NPLOC4: variants seen among roughly 807,000 people sequenced by gnomAD.
The protein encoded by NPLOC4 is nuclear protein localization protein 4 homolog.
NPLOC4 carries 18 observed loss-of-function variants against 80.6 expected under a neutral mutation model. The observed-to-expected ratio is 0.22, with a 90% CI of 0.15 to 0.33. The LOEUF is 0.33. Among genes scored for constraint, NPLOC4 ranks in the 10% least tolerant of loss-of-function variants. NPLOC4 has a pLI of 1.00. For synonymous variants in NPLOC4, 313 were observed against 301.5 expected (o/e 1.04, Z -0.39); for missense variants, 540 against 786.1 (o/e 0.69, Z 3.74).
At position 81,637,047 on chromosome 17, in the gene NPLOC4, A is replaced by ACCG; in HGVS notation, c.-120_-118dup. On this transcript the variant is annotated 5_prime_UTR_variant, in exon 1 of 17. Transcript: ENST00000331134. ...GCCCCGGCCTCCCTACGCCGCCGCCACCGCCGCTCCAGCTTCGCCCGCCCG... is the reference window on the plus strand; with the variant it reads ...GCCCCGGCCTCCCTACGCCGCCGCCACCGCCGCCGCTCCAGCTTCGCCCGCCCG... The ACCG allele has an allele frequency of 5.5e-6, 3 of 544,316 alleles. No individual in the cohort carries two copies. Among genetic ancestry groups the ACCG allele is most frequent in the Non-Finnish European group, 7.9e-6 (3 of 379,284 alleles). 33.7% of individuals were successfully genotyped at this position (544,316 alleles called of 1,614,324 possible). A position where few individuals can be genotyped will look rare whatever the true frequency, so the allele number is the denominator to read the frequency against.
intron 3 of NPLOC4, among the ~76,000 whole-genome samples, chr17:81,621,382 T>C (rs2035663562): frequency 1.3e-5 from 2 of 152,210 alleles, no homozygotes; most frequent in Non-Finnish European, 1.5e-5. Flanking sequence ...AGCCCATCAT[T>C]CTGGCTGGTA....
intron 3 of NPLOC4, among the ~76,000 whole-genome samples, chr17:81,617,354 T>C (rs979766397): frequency 6.6e-6 from 1 of 152,020 alleles, no homozygotes; most frequent in Non-Finnish European, 1.5e-5. Context: ...TTCACAACAG[T>C]GTGGACAAAG....
At chr17:81,622,409 T>C (rs957447256) in intron 2 of NPLOC4, 131 bp from the exon 3 acceptor site, 1 of 701,086 alleles carries the variant, frequency 1.4e-6, no homozygotes. Flanking sequence ...CAAATTCCTC[T>C]TGCTATTTTG....
At chr17:81,589,914 T>A (rs1380372047) in intron 11 of NPLOC4, among the ~76,000 whole-genome samples, 1 of 151,560 alleles carries the variant, frequency 6.6e-6, no homozygotes, top group Non-Finnish European at 1.5e-5. Context: ...AGGCTTAGTG[T>A]CATCAGCACT....
At chr17:81,633,310 T>G (rs1286113075) in intron 1 of NPLOC4, among the ~76,000 whole-genome samples, 1 of 152,054 alleles carries the variant, frequency 6.6e-6, no homozygotes, top group African/African-American at 2.4e-5. Flanking sequence ...AGGAAAGCTC[T>G]GTTCTAATGA....
intron 9 of NPLOC4, among the ~76,000 whole-genome samples, chr17:81,597,838 G>C (rs1015063451): frequency 6.6e-6 from 1 of 151,186 alleles, no homozygotes; most frequent in African/African-American, 2.4e-5. Context: ...GCTCACGCCT[G>C]TAATTCCAAC....
chr17:81,631,421 C>CATATATATATATATATATATAT (rs1415379403), intron 1 of NPLOC4, among the ~76,000 whole-genome samples: 4 of 49,434 alleles, frequency 8.1e-5, no homozygotes, highest in Admixed American at 5.2e-4. Flanking sequence ...TTAAAGTGTA[C>CATATATATATATATATATATAT]ATATATATAT....
At chr17:81,576,511 C>A (rs1026962349) in intron 12 of NPLOC4, among the ~76,000 whole-genome samples, 2 of 152,126 alleles carry the variant, frequency 1.3e-5, no homozygotes, top group Admixed American at 1.3e-4. Context: ...TGGAACCAAT[C>A]CTCTGTGTCA....
In NPLOC4 at chr17:81,559,036, T is replaced by C. The variant is rs1009992517; in HGVS notation, c.*223A>G. 1.8e-6 allele frequency: 1 copy of C among 554,652 alleles called. No individual in the cohort carries two copies. The highest frequency in any genetic ancestry group is 3.2e-6 in the Non-Finnish European group (1 of 313,786). 34.4% of individuals were successfully genotyped at this position (554,652 alleles called of 1,614,324 possible). A position where few individuals can be genotyped will look rare whatever the true frequency, so the allele number is the denominator to read the frequency against. On this transcript the variant is annotated 3_prime_UTR_variant, in exon 17 of 17. Coordinates refer to ENST00000331134, the MANE Select transcript of NPLOC4 (RefSeq NM_017921.4). Reference sequence around the variant, plus strand: ...GTGAGGAGCCGCTCTGCGTTTCCAGTCTGGAGACTGCATTCAGCCTGCAGA... The same window carrying C: ...GTGAGGAGCCGCTCTGCGTTTCCAGCCTGGAGACTGCATTCAGCCTGCAGA...
At chr17:81,624,111 C>G (rs772170490) in intron 2 of NPLOC4, among the ~76,000 whole-genome samples, 12 of 152,006 alleles carry the variant, frequency 7.9e-5, no homozygotes, top group Non-Finnish European at 1.8e-4. Context: ...ATGGTGAAAC[C>G]CCATCTCTCC....
chr17:81,627,050 G>A (rs530925329), intron 2 of NPLOC4, among the ~76,000 whole-genome samples: 5 of 148,590 alleles, frequency 3.4e-5, no homozygotes, highest in South Asian at 4.3e-4. Context: ...AGATTGTGCC[G>A]CTGCACTCCA....
intron 12 of NPLOC4, among the ~76,000 whole-genome samples, chr17:81,587,262 C>A (rs1161752282): frequency 6.6e-6 from 1 of 152,154 alleles, no homozygotes; most frequent in Non-Finnish European, 1.5e-5. Context: ...CTGCTCGAGG[C>A]CAGGAGTTCA....
chr17:81,619,353 G>A (rs560484159), intron 3 of NPLOC4, among the ~76,000 whole-genome samples: 1 of 151,760 alleles, frequency 6.6e-6, no homozygotes, highest in South Asian at 2.1e-4. Context: ...CTCTAGCCTG[G>A]GCAACACAGT....
chr17:81,608,190 C>A (rs1341179954), intron 6 of NPLOC4, among the ~76,000 whole-genome samples: 1 of 152,220 alleles, frequency 6.6e-6, no homozygotes, highest in Non-Finnish European at 1.5e-5. Context: ...AGAGGCCAGG[C>A]TCTGGGGAAA....
chr17:81,623,710 G>C (rs2144306414), intron 2 of NPLOC4, among the ~76,000 whole-genome samples: 1 of 150,198 alleles, frequency 6.7e-6, no homozygotes, highest in East Asian at 2.0e-4. Context: ...AGGCAGGAGA[G>C]TGGCGTGAAC....
chr17:81,618,647 G>A (rs900590422), intron 3 of NPLOC4, among the ~76,000 whole-genome samples: 19 of 150,822 alleles, frequency 1.3e-4, no homozygotes, highest in East Asian at 1.2e-3. Context: ...CTGCCCGGCC[G>A]CCCCTACTGG....
chr17:81,605,145 G>A (rs182455183), intron 7 of NPLOC4, among the ~76,000 whole-genome samples: 44 of 152,004 alleles, frequency 2.9e-4, no homozygotes, highest in Non-Finnish European at 4.6e-4. Flanking sequence ...GCCAGGCGTG[G>A]TGGCGGGCGC....
intron 2 of NPLOC4, among the ~76,000 whole-genome samples, chr17:81,626,317 A>AG (rs1428417850): frequency 8.3e-6 from 1 of 120,582 alleles, no homozygotes; most frequent in Non-Finnish European, 1.6e-5. Flanking sequence ...CTCCATCTCA[A>AG]GAAAAAAAAA....
At chr17:81,620,444 TG>T (rs1236555969) in intron 3 of NPLOC4, among the ~76,000 whole-genome samples, 2 of 152,060 alleles carry the variant, frequency 1.3e-5, no homozygotes, top group East Asian at 3.9e-4. Context: ...TGCAGTGAGC[TG>T]GGATCACGTC....
Sources: allele counts gnomAD v4.1 joint callset (sites outside exome capture counted in the v4.1 genomes callset), GRCh38; gene constraint gnomAD v4.1.1; transcripts MANE v1.5; gene names NCBI Gene and HGNC (gene_info 2026-07-23, HGNC 2026-07-21).